HACE1: variants seen among roughly 807,000 people sequenced by gnomAD.
HACE1 encodes E3 ubiquitin-protein ligase HACE1.
In HACE1, 73 loss-of-function variants were observed where a neutral mutation model predicts 118.4. The observed-to-expected ratio is 0.62, with a 90% CI of 0.51 to 0.75. The LOEUF is 0.75. Ranked by LOEUF, HACE1 falls within the 30% of genes least tolerant of loss-of-function variation. The pLI is 0.00. For synonymous variants in HACE1, 368 were observed against 374.8 expected (o/e 0.98, Z 0.21); for missense variants, 749 against 1,102.2 (o/e 0.68, Z 4.54).
rs569840665 is a variant in HACE1, at chr6:104,859,687, G to C, written c.-45C>G. 9.4e-6 allele frequency: 14 copies of C among 1,495,504 alleles called. No homozygotes were observed. In the African/African-American group the frequency reaches 1.9e-4, roughly 20 times the overall value. The allele number at this position is 1,495,504 out of a possible 1,614,324, so 92.6% of individuals were successfully genotyped here. On this transcript the variant is annotated 5_prime_UTR_variant, in exon 1 of 24. Transcript: ENST00000262903. ...ATCCTCCGCGATCAGCCGCCCCACCGGCGGCCTCCGCGCCCAGAGCCCTAC... is the reference window on the plus strand; with the variant it reads ...ATCCTCCGCGATCAGCCGCCCCACCCGCGGCCTCCGCGCCCAGAGCCCTAC...
intron 20 of HACE1, among the ~76,000 whole-genome samples, chr6:104,748,401 C>T (rs1431245471): frequency 1.3e-5 from 2 of 152,024 alleles, no homozygotes; most frequent in Admixed American, 6.6e-5. Context: ...ACTGAATTAC[C>T]AGAATGGAAA....
chr6:104,821,533 G>A (rs1054807524), intron 6 of HACE1, among the ~76,000 whole-genome samples: 6 of 152,090 alleles, frequency 3.9e-5, no homozygotes, highest in East Asian at 1.9e-4. Context: ...ATGATATAAC[G>A]TAAATAACAC....
At chr6:104,809,450 A>G (rs1175198506) in intron 7 of HACE1, among the ~76,000 whole-genome samples, 5 of 152,140 alleles carry the variant, frequency 3.3e-5, no homozygotes, top group African/African-American at 9.7e-5. Flanking sequence ...AACAAATACC[A>G]TGTAGAAAAG....
At chr6:104,801,494 C>CCCAT (rs1770345912) in intron 7 of HACE1, among the ~76,000 whole-genome samples, 3 of 152,116 alleles carry the variant, frequency 2.0e-5, no homozygotes, top group African/African-American at 7.2e-5. Context: ...CAAAGGGAAG[C>CCCAT]CCATCAGACT....
intron 14 of HACE1, among the ~76,000 whole-genome samples, chr6:104,778,469 G>A (rs560037539): frequency 5.9e-5 from 9 of 152,102 alleles, no homozygotes; most frequent in South Asian, 2.1e-4. Flanking sequence ...AAGCCAATCC[G>A]AGAGATACTA....
At chr6:104,784,645 T>C (rs1782149590) in intron 12 of HACE1, among the ~76,000 whole-genome samples, 160 bp from the exon 13 acceptor site, 1 of 152,118 alleles carries the variant, frequency 6.6e-6, no homozygotes, top group African/African-American at 2.4e-5. Flanking sequence ...GAAGTATGCC[T>C]AGCCAATTTG....
At chr6:104,732,999 C>A (rs1345964364) in intron 22 of HACE1, among the ~76,000 whole-genome samples, 2 of 152,094 alleles carry the variant, frequency 1.3e-5, no homozygotes, top group East Asian at 3.9e-4. Flanking sequence ...GAAGACCTGG[C>A]TATATCTCCT....
intron 17 of HACE1, among the ~76,000 whole-genome samples, chr6:104,774,247 G>A (rs1471651425): frequency 2.3e-5 from 3 of 129,378 alleles, no homozygotes; most frequent in Non-Finnish European, 3.2e-5. Context: ...CCGCCACTAC[G>A]CCCGGCTAAT....
chr6:104,813,465 C>T (rs71572237), intron 6 of HACE1, among the ~76,000 whole-genome samples: 24,282 of 137,608 alleles, frequency 0.18, 5,728 homozygotes, highest in Middle Eastern at 0.26. Flanking sequence ...GCAGTCATCC[C>T]CAACCAAGGT....
At chr6:104,799,984 G>C (rs1315728375) in intron 7 of HACE1, among the ~76,000 whole-genome samples, 1 of 152,084 alleles carries the variant, frequency 6.6e-6, no homozygotes, top group Non-Finnish European at 1.5e-5. Flanking sequence ...AGACTACCTG[G>C]AAAAACGGGA....
At chr6:104,821,901 C>T (rs1772753034) in intron 6 of HACE1, among the ~76,000 whole-genome samples, 1 of 152,032 alleles carries the variant, frequency 6.6e-6, no homozygotes, top group Admixed American at 6.6e-5. Context: ...GCTTAAGTAC[C>T]TAGACAGCTA....
intron 14 of HACE1, among the ~76,000 whole-genome samples, chr6:104,778,925 G>A (rs1278119553): frequency 2.0e-5 from 3 of 152,104 alleles, no homozygotes; most frequent in East Asian, 1.9e-4. Context: ...AGGTACTGGT[G>A]GAAATATGAG....
intron 7 of HACE1, among the ~76,000 whole-genome samples, chr6:104,808,192 TAA>T (rs570573543): frequency 7.5e-6 from 1 of 133,870 alleles, no homozygotes. Flanking sequence ...TCTCAAAAAT[TAA>T]AAAAAAAAAA....
In HACE1 at chr6:104,796,645, A is replaced by T. The variant is rs1238226254; in HGVS notation, c.816+10T>A. The T allele has an allele frequency of 7.8e-6, 10 of 1,284,260 alleles. No homozygotes were observed. The highest frequency in any genetic ancestry group is 1.2e-5 in the South Asian group (1 of 84,132). The allele number at this position is 1,284,260 out of a possible 1,614,324, so 79.6% of individuals were successfully genotyped here. ...TCTTCATTTACAAGCTACTATCACA[A>T]ATACAATACCATGTTTTCTCGGAGG... is the stretch of plus-strand genomic sequence containing the variant. On this transcript the variant is annotated intron_variant, in intron 9 of 23. Coordinates refer to ENST00000262903, the MANE Select transcript of HACE1 (RefSeq NM_020771.4).
At chr6:104,766,595 T>C (rs1273993926) in intron 19 of HACE1, among the ~76,000 whole-genome samples, 5 of 152,234 alleles carry the variant, frequency 3.3e-5, no homozygotes, top group Non-Finnish European at 7.3e-5. Context: ...AATTTAATCA[T>C]ATAAGACTAG....
rs540352335 is a variant in HACE1, at chr6:104,835,743, G to T, written c.403-2570C>A. On this transcript the variant is annotated intron_variant, in intron 5 of 23. Transcript: ENST00000262903. ...GGGTCTCAATATTATCCATCGAAATGGATAAAATAAATCCAAAGCAAGACA... is the reference window on the plus strand; with the variant it reads ...GGGTCTCAATATTATCCATCGAAATTGATAAAATAAATCCAAAGCAAGACA... Among the ~76,000 whole-genome samples the T allele has an allele frequency of 2.0e-5, 3 of 152,142 alleles. No individual in the cohort carries two copies. In the South Asian group the frequency reaches 6.2e-4, roughly 32 times the overall value.
At chr6:104,843,439 C>A in intron 4 of HACE1, 141 bp from the exon 5 acceptor site, 1 of 675,960 alleles carries the variant, frequency 1.5e-6, no homozygotes, top group Non-Finnish European at 2.7e-6. Flanking sequence ...GCCATATCTG[C>A]AATATTTAAA....
intron 23 of HACE1, 152 bp from the exon 24 acceptor site, chr6:104,729,916 G>T: frequency 1.5e-6 from 1 of 648,980 alleles, no homozygotes. Flanking sequence ...TATTTAAAAA[G>T]AAGAAAAAAT....
At chr6:104,787,419 T>G (rs929706438) in intron 11 of HACE1, 1 of 152,152 alleles carries the variant, frequency 6.6e-6, no homozygotes, top group Non-Finnish European at 1.5e-5. Context: ...ATTCTAATCA[T>G]GATCCAAGTT....
Sources: gnomAD v4.1 joint callset for allele counts (sites outside exome capture counted in the v4.1 genomes callset) on GRCh38, gnomAD v4.1.1 for gene constraint, MANE v1.5 for transcripts, NCBI Gene and HGNC (gene_info 2026-07-23, HGNC 2026-07-21) for gene names.